The following ADAMTS6 variants were observed in gnomAD, a reference collection of about 807,000 sequenced individuals.
The protein encoded by ADAMTS6 is A disintegrin and metalloproteinase with thrombospondin motifs 6.
Under a neutral mutation model 144.3 loss-of-function variants are expected in ADAMTS6, and 23 were observed. The ratio of observed to expected loss-of-function variants is 0.16; its 90% CI spans 0.11 to 0.23. ADAMTS6 has a LOEUF of 0.23. Among genes scored for constraint, ADAMTS6 ranks in the 10% least tolerant of loss-of-function variants. The pLI is 1.00. For missense variants in ADAMTS6, 999 were observed against 1,379.6 expected, an observed-to-expected ratio of 0.72 and a Z score of 4.37; for synonymous variants, 444 against 457.5, an observed-to-expected ratio of 0.97 and a Z score of 0.38.
chr5:65,441,783 T>C (rs1166876680), intron 7 of ADAMTS6, among the ~76,000 whole-genome samples: 1 of 142,080 alleles, frequency 7.0e-6, no homozygotes, highest in Non-Finnish European at 1.5e-5. Context: ...ATTTCTGCAG[T>C]GGGGGGGAAT....
chr5:65,441,832 C>CAAA (rs34446676), intron 7 of ADAMTS6, among the ~76,000 whole-genome samples: 2 of 100,654 alleles, frequency 2.0e-5, no homozygotes, highest in Admixed American at 1.2e-4. Flanking sequence ...AGCCATGGGT[C>CAAA]AAAAAAAAAA....
In ADAMTS6 at chr5:65,193,000, T is replaced by TA. The variant is rs1338180178; in HGVS notation, c.2705+4021dup. ...CATTATTTGAAAAAATACTTTCTGA[T>TA]AAAAAATACGATTTAGAATTTTAAA... On this transcript the variant is annotated intron_variant, in intron 21 of 24. Coordinates refer to ENST00000381055, the MANE Select transcript of ADAMTS6 (RefSeq NM_197941.4). Among the ~76,000 whole-genome samples the TA allele has an allele frequency of 2.0e-5, 3 of 151,900 alleles. No individual in the cohort carries two copies. In the East Asian group the frequency reaches 5.8e-4, roughly 29 times the overall value.
At chr5:65,242,537 A>C (rs1759282453) in intron 14 of ADAMTS6, among the ~76,000 whole-genome samples, 1 of 152,148 alleles carries the variant, frequency 6.6e-6, no homozygotes, top group Admixed American at 6.6e-5. Context: ...AAATTAAAAC[A>C]CAAAATCCTT....
At chr5:65,397,749 T>G (rs1417881428) in intron 7 of ADAMTS6, among the ~76,000 whole-genome samples, 1 of 151,874 alleles carries the variant, frequency 6.6e-6, no homozygotes, top group African/African-American at 2.4e-5. Context: ...TGGTGGCACA[T>G]GCTTGTAGTC....
At chr5:65,322,541 T>C (rs1381386511) in intron 9 of ADAMTS6, among the ~76,000 whole-genome samples, 1 of 151,108 alleles carries the variant, frequency 6.6e-6, no homozygotes, top group Non-Finnish European at 1.5e-5. Flanking sequence ...ATCTCTGATT[T>C]CTTTGAGCAG....
In ADAMTS6 at chr5:65,451,582, G is replaced by A. The variant is rs1386320396; in HGVS notation, c.966C>T (p.Leu322=). 17 of 1,613,022 alleles carry A rather than the reference G, an allele frequency of 1.1e-5. No individual in the cohort carries two copies. Among genetic ancestry groups the A allele is most frequent in the Admixed American group, 3.3e-5 (2 of 59,796 alleles). ...LEINHHADKS[L]DSFCKWQKSI... ...ATTTCTGCCATTTACAGAAGCTATC[G>A]AGGGACTTGTCTGCATGGTGGTTTA... is the stretch of plus-strand genomic sequence containing the variant. Residue 322 remains leucine (L), a synonymous_variant, in exon 7 of 25, where the codon CTC becomes CTT. Transcript: ENST00000381055.
intron 7 of ADAMTS6, among the ~76,000 whole-genome samples, chr5:65,366,204 C>T (rs1750294552): frequency 6.6e-6 from 1 of 152,034 alleles, no homozygotes; most frequent in African/African-American, 2.4e-5. Context: ...AATGTAATAA[C>T]TTTAGTTTTA....
intron 7 of ADAMTS6, among the ~76,000 whole-genome samples, chr5:65,402,448 G>A (rs894532295): frequency 6.6e-6 from 1 of 152,016 alleles, no homozygotes; most frequent in Non-Finnish European, 1.5e-5. Flanking sequence ...TTTCACTAGG[G>A]ACTTTCTCCT....
At chr5:65,243,081 G>A (rs1759332829) in intron 14 of ADAMTS6, among the ~76,000 whole-genome samples, 1 of 151,994 alleles carries the variant, frequency 6.6e-6, no homozygotes. Flanking sequence ...GACTTAATTT[G>A]ACTTATCTTG....
chr5:65,151,691 T>C lies in ADAMTS6; in HGVS notation c.*145A>G, dbSNP rs1267342848. 2 of 597,408 alleles carry C rather than the reference T, an allele frequency of 3.3e-6. No individual in the cohort carries two copies. Among genetic ancestry groups the C allele is most frequent in the Non-Finnish European group, 5.8e-6 (2 of 347,598 alleles). 37.0% of individuals were successfully genotyped at this position (597,408 alleles called of 1,614,324 possible). A position where few individuals can be genotyped will look rare whatever the true frequency, so the allele number is the denominator to read the frequency against. On this transcript the variant is annotated 3_prime_UTR_variant, in exon 25 of 25. Transcript: ENST00000381055. Reference sequence around the variant, plus strand: ...CAGAAGCTAAAATAATATTGAAATTTTGTCAGCTAGGGCTGACCAGTGGTT... The same window carrying C: ...CAGAAGCTAAAATAATATTGAAATTCTGTCAGCTAGGGCTGACCAGTGGTT...
intron 22 of ADAMTS6, among the ~76,000 whole-genome samples, chr5:65,184,718 A>G (rs1754564229): frequency 6.6e-6 from 1 of 152,206 alleles, no homozygotes; most frequent in Admixed American, 6.5e-5. Context: ...GATCCCAAGT[A>G]TAGATTATAG....
At chr5:65,460,406 A>G (rs1286156934) in intron 3 of ADAMTS6, 68 bp from the exon 4 acceptor site, 37 of 1,402,186 alleles carry the variant, frequency 2.6e-5, no homozygotes, top group Non-Finnish European at 3.6e-5. Flanking sequence ...CATTATTACC[A>G]AGAGCTAAAA....
chr5:65,209,720 G>A (rs1056767366), intron 20 of ADAMTS6, among the ~76,000 whole-genome samples: 1 of 152,192 alleles, frequency 6.6e-6, no homozygotes, highest in Non-Finnish European at 1.5e-5. Context: ...TGAGAACACT[G>A]AAGGATCTTG....
At chr5:65,268,195 T>C (rs965708049) in intron 12 of ADAMTS6, among the ~76,000 whole-genome samples, 24 of 152,206 alleles carry the variant, frequency 1.6e-4, no homozygotes, top group African/African-American at 5.8e-4. Context: ...TAGGAATCAA[T>C]GTCACTTACA....
Position 65,265,310 on chromosome 5 carries a change from G to T in ADAMTS6, c.1621-2348C>A, listed in dbSNP as rs75493197. Among the ~76,000 whole-genome samples, 753 of 152,168 alleles carry T rather than the reference G, an allele frequency of 4.9e-3. 6 individuals are homozygous for T. The highest frequency in any genetic ancestry group is 0.017 in the African/African-American group (715 of 41,550). On this transcript the variant is annotated intron_variant, in intron 12 of 24. Transcript: ENST00000381055. ...ATATAGTATCAACCCTGTGATCAGG[G>T]TTACTGATAATGTATACTTGAGAAG...
chr5:65,434,898 A>G (rs902382860), intron 7 of ADAMTS6, among the ~76,000 whole-genome samples: 16 of 152,214 alleles, frequency 1.1e-4, no homozygotes, highest in African/African-American at 3.9e-4. Flanking sequence ...TTTGCCCTAG[A>G]GAACTCCTAA....
intron 18 of ADAMTS6, among the ~76,000 whole-genome samples, chr5:65,223,508 A>C (rs59128191): frequency 0.12 from 17,611 of 152,150 alleles, 1,240 homozygotes; most frequent in African/African-American, 0.2. Flanking sequence ...AAATACTCTT[A>C]CACTCTCTGT....
intron 9 of ADAMTS6, among the ~76,000 whole-genome samples, chr5:65,329,038 G>A (rs1180727369): frequency 6.6e-6 from 1 of 151,978 alleles, no homozygotes; most frequent in Non-Finnish European, 1.5e-5. Flanking sequence ...TGGTAGTGAC[G>A]TCAATGATTT....
chr5:65,406,841 T>C (rs1485459975), intron 7 of ADAMTS6, among the ~76,000 whole-genome samples: 1 of 152,116 alleles, frequency 6.6e-6, no homozygotes, highest in East Asian at 1.9e-4. Context: ...TTGAGAGTTT[T>C]TAGCATGAAG....
Sources: gnomAD v4.1 joint callset for allele counts (sites outside exome capture counted in the v4.1 genomes callset) on GRCh38, gnomAD v4.1.1 for gene constraint, MANE v1.5 for transcripts, NCBI Gene and HGNC (gene_info 2026-07-23, HGNC 2026-07-21) for gene names.